AMOTL1: variants seen among roughly 807,000 people sequenced by gnomAD.
AMOTL1 encodes the protein angiomotin like 1.
In AMOTL1, 45 loss-of-function variants were observed where a neutral mutation model predicts 102.9. The ratio of observed to expected loss-of-function variants is 0.44; its 90% CI spans 0.34 to 0.56. The LOEUF is 0.56. AMOTL1 is among the 20% of genes least tolerant of loss of function. The probability of loss-of-function intolerance (pLI) is 0.01; values close to 1 mark genes in which losing one functional copy is unlikely to be tolerated. For synonymous variants in AMOTL1, 481 were observed against 484.7 expected (o/e 0.99, Z 0.10); for missense variants, 1,114 against 1,225.6 (o/e 0.91, Z 1.36).
At chr11:94,765,478 T>C (rs1021138629), upstream of AMOTL1, among the ~76,000 whole-genome samples, 1 of 152,144 alleles carries the variant, frequency 6.6e-6, no homozygotes, top group Non-Finnish European at 1.5e-5. Context: ...GAAAAGATTG[T>C]TTTCTGCATT....
chr11:94,740,821 G>A lies in AMOTL1; in HGVS notation c.86-117G>A. 3 of 798,256 alleles carry A rather than the reference G, an allele frequency of 3.8e-6. No homozygotes were observed. In the South Asian group the frequency reaches 4.3e-5, roughly 11 times the overall value. The allele number at this position is 798,256 out of a possible 1,614,324, so 49.4% of individuals were successfully genotyped here. On this transcript the variant is annotated intron_variant, in intron 2 of 4. Transcript: ENST00000299004. Reference sequence around the variant, plus strand: ...GGGGCCTCCGGCTCAGGGATTCTGAGCGCTGGGAGAGAGAAGCCCGCGCTT... The same window carrying A: ...GGGGCCTCCGGCTCAGGGATTCTGAACGCTGGGAGAGAGAAGCCCGCGCTT...
chr11:94,806,603 G>A (rs1407590540), intron 3 of AMOTL1, among the ~76,000 whole-genome samples: 1 of 152,168 alleles, frequency 6.6e-6, no homozygotes, highest in East Asian at 1.9e-4. Flanking sequence ...AGTTTCTCCG[G>A]TATTTAGGCC....
intron 3 of AMOTL1, among the ~76,000 whole-genome samples, chr11:94,743,195 T>G (rs1438854181): frequency 1.3e-5 from 2 of 152,178 alleles, no homozygotes; most frequent in Admixed American, 1.3e-4. Flanking sequence ...CTCAGTTTCC[T>G]TATCTGCAAA....
chr11:94,779,619 T>C (rs930494050), intron 1 of AMOTL1, among the ~76,000 whole-genome samples: 1 of 152,150 alleles, frequency 6.6e-6, no homozygotes, highest in African/African-American at 2.4e-5. Context: ...CTTTAAGACA[T>C]TGTACCGTGA....
At chr11:94,840,041 AC>A (rs1952264792) in intron 6 of AMOTL1, among the ~76,000 whole-genome samples, 1 of 152,090 alleles carries the variant, frequency 6.6e-6, no homozygotes, top group African/African-American at 2.4e-5. Flanking sequence ...CTCTTCAGAT[AC>A]CCCCTGCCCC....
chr11:94,752,266 G>T (rs1012950073), intron 3 of AMOTL1, among the ~76,000 whole-genome samples: 10 of 151,784 alleles, frequency 6.6e-5, no homozygotes, highest in Non-Finnish European at 1.5e-5. Flanking sequence ...ACCCTCCTCA[G>T]CCCCCACTCA....
At chr11:94,827,837 A>G (rs1951994419) in intron 4 of AMOTL1, among the ~76,000 whole-genome samples, 1 of 152,064 alleles carries the variant, frequency 6.6e-6, no homozygotes, top group African/African-American at 2.4e-5. Context: ...TGACCACAGT[A>G]TCTCTCATTC....
At position 94,799,435 on chromosome 11, in the gene AMOTL1, T is replaced by A; in HGVS notation, c.245T>A (p.Ile82Asn). Residue 82 changes from isoleucine to asparagine, a missense_variant, in exon 3 of 13, where the codon ATC becomes AAC. Physicochemically the swap from Ile to Asn is moderately radical, Grantham distance 149 (BLOSUM62 -3). Transcript: ENST00000433060. The surrounding 1 kb of genome is among the most constrained non-coding windows in gnomAD (Gnocchi z 4.5). Reference sequence around the variant, plus strand: ...TTCCACTCCCCAAACTTCCTGAGGATCTCAGAGGTGGAAATGAGAGGTTCC... The same window carrying A: ...TTCCACTCCCCAAACTTCCTGAGGAACTCAGAGGTGGAAATGAGAGGTTCC... ...CNFHSPNFLR[I>N]SEVEMRGSED... The A allele has an allele frequency of 2.5e-6, 4 of 1,598,080 alleles. No individual in the cohort carries two copies. The highest frequency in any genetic ancestry group is 1.7e-6 in the Non-Finnish European group (2 of 1,171,618).
exon 2 of AMOTL1, chr11:94,728,996 T>C (rs1360157821): frequency 7.8e-7 from 1 of 1,289,006 alleles, no homozygotes; most frequent in African/African-American, 1.5e-5. Context: ...AAATGGACTT[T>C]GGAGGAAGGA....
chr11:94,792,021 G>A (rs527881284), intron 1 of AMOTL1, among the ~76,000 whole-genome samples: 370 of 152,268 alleles, frequency 2.4e-3, no homozygotes, highest in South Asian at 0.01. Flanking sequence ...TTACTGTCAC[G>A]TTTCCTTGTC....
intron 2 of AMOTL1, among the ~76,000 whole-genome samples, chr11:94,796,276 T>G (rs1173854133): frequency 2.6e-5 from 4 of 152,006 alleles, no homozygotes; most frequent in African/African-American, 9.7e-5. Flanking sequence ...GAGGTGAGAT[T>G]TTGGGGGTAA....
At chr11:94,740,929 CT>C in intron 2 of AMOTL1, 1 of 1,289,060 alleles carries the variant, frequency 7.8e-7, no homozygotes, top group South Asian at 1.2e-5. Context: ...TGCTTTTCTT[CT>C]CCCCCAGACA....
At chr11:94,728,309 A>G (rs1398648399) in intron 1 of AMOTL1, among the ~76,000 whole-genome samples, 2 of 152,108 alleles carry the variant, frequency 1.3e-5, no homozygotes, top group Non-Finnish European at 2.9e-5. Context: ...CTTTTTACGA[A>G]AGCCAAGAGC....
chr11:94,775,053 A>G (rs1051936910), intron 1 of AMOTL1, among the ~76,000 whole-genome samples: 1 of 152,222 alleles, frequency 6.6e-6, no homozygotes, highest in Non-Finnish European at 1.5e-5. Flanking sequence ...AAGTAAGTGT[A>G]TTTACTAAAT....
At chr11:94,846,665 G>A (rs184443208) in intron 6 of AMOTL1, among the ~76,000 whole-genome samples, 2 of 152,328 alleles carry the variant, frequency 1.3e-5, no homozygotes, top group Admixed American at 6.5e-5. Context: ...AGTAAACTGT[G>A]TTATAATGGG....
At chr11:94,793,054 A>G (rs1414982482) in intron 1 of AMOTL1, among the ~76,000 whole-genome samples, 2 of 152,132 alleles carry the variant, frequency 1.3e-5, no homozygotes, top group Non-Finnish European at 2.9e-5. Context: ...ACTCTTCTTT[A>G]TACACATATT....
rs139832860 is a variant in AMOTL1, at chr11:94,872,169, G to A, written c.*1374G>A. On this transcript the variant is annotated 3_prime_UTR_variant, in exon 13 of 13. Coordinates refer to ENST00000433060, the MANE Select transcript of AMOTL1 (RefSeq NM_130847.3). ...TGCCACGGAAAAGAGGCAGGAGTGT[G>A]TTAGGTGGTGGGTCCATTAGACCTC... 2 of 152,300 alleles carry A rather than the reference G, an allele frequency of 1.3e-5. No homozygotes were observed. The highest frequency in any genetic ancestry group is 4.8e-5 in the African/African-American group (2 of 41,558). The allele number at this position is 152,300 out of a possible 1,614,324, so 9.4% of individuals were successfully genotyped here. A position where few individuals can be genotyped will look rare whatever the true frequency, so the allele number is the denominator to read the frequency against.
chr11:94,799,792 T>C lies in AMOTL1; in HGVS notation c.602T>C (p.Phe201Ser). ...GAGGCCAAAGCACAGTCGCAGTTCT[T>C]CAGGGGGCAGCAGCAGCAGCAACAG... ...YEEAKAQSQF[F>S]RGQQQQQQQQ... Residue 201 changes from phenylalanine (F) to serine (S), a missense_variant, in exon 3 of 13, where the codon TTC becomes TCC. Phe to Ser is a radical substitution (Grantham distance 155, BLOSUM62 -2). Transcript: ENST00000433060. The surrounding 1 kb of genome is among the most constrained non-coding windows in gnomAD (Gnocchi z 4.5). 6.2e-7 allele frequency: 1 copy of C among 1,602,438 alleles called. No homozygotes were observed. The highest frequency in any genetic ancestry group is 8.5e-7 in the Non-Finnish European group (1 of 1,173,548).
chr11:94,827,924 C>A (rs138225923), intron 4 of AMOTL1, among the ~76,000 whole-genome samples: 2 of 152,246 alleles, frequency 1.3e-5, no homozygotes, highest in African/African-American at 4.8e-5. Flanking sequence ...CCTCCTTTGG[C>A]GTGAATGCTT....
Sources: allele counts gnomAD v4.1 joint callset (sites outside exome capture counted in the v4.1 genomes callset), GRCh38; gene constraint gnomAD v4.1.1; non-coding constraint Gnocchi (gnomAD v3.1); transcripts MANE v1.5; gene names NCBI Gene and HGNC (gene_info 2026-07-23, HGNC 2026-07-21).